CELF6: variants seen among roughly 807,000 people sequenced by gnomAD.
CELF6 encodes CUGBP Elav-like family member 6.
A neutral mutation model predicts 53.1 loss-of-function variants in CELF6; 32 were observed. The observed-to-expected ratio is 0.60, with a 90% confidence interval of 0.46 to 0.81. The LOEUF is 0.81. Ranked by LOEUF, CELF6 falls within the 30% of genes least tolerant of loss-of-function variation. CELF6 has a pLI of 0.00. For missense variants in CELF6, 539 were observed against 669.5 expected (o/e 0.81, Z 2.15); for synonymous variants, 291 against 288.8 (o/e 1.01, Z -0.08).
intron 2 of CELF6, among the ~76,000 whole-genome samples, chr15:72,305,719 T>A (rs1041395526): frequency 6.6e-6 from 1 of 152,166 alleles, no homozygotes; most frequent in Non-Finnish European, 1.5e-5. Context: ...CACACAGGGA[T>A]GACTTAGAGC....
In CELF6 at chr15:72,319,880, C is replaced by T; in HGVS notation, c.-6G>A. 1 of 1,463,808 alleles carries T rather than the reference C, an allele frequency of 6.8e-7. No individual in the cohort carries two copies. Among genetic ancestry groups the T allele is most frequent in the Non-Finnish European group, 9.0e-7 (1 of 1,110,554 alleles). The allele number at this position is 1,463,808 out of a possible 1,614,324, so 90.7% of individuals were successfully genotyped here. On this transcript the variant is annotated 5_prime_UTR_variant, in exon 1 of 13. Coordinates refer to ENST00000287202, the MANE Select transcript of CELF6 (RefSeq NM_052840.5). The surrounding 1 kb of genome is among the most constrained non-coding windows in gnomAD (Gnocchi z 5.0). ...CCTCCCGGCGCCGCGGCCATGTCCC[C>T]GCCCTGTCAGCCCTCCCGCCGGTCC...
intron 1 of CELF6, among the ~76,000 whole-genome samples, chr15:72,318,540 T>G (rs780529589): frequency 6.6e-6 from 1 of 152,190 alleles, no homozygotes; most frequent in Non-Finnish European, 1.5e-5. Context: ...CTCCTGCCCA[T>G]GTATGACATG....
At chr15:72,296,804 G>A (rs1316271058) in intron 3 of CELF6, among the ~76,000 whole-genome samples, 3 of 152,186 alleles carry the variant, frequency 2.0e-5, no homozygotes, top group African/African-American at 4.8e-5. Flanking sequence ...AAATCACAGC[G>A]TTGGCGAGGA....
Position 72,287,273 on chromosome 15 carries a change from G to T in CELF6, c.1438C>A (p.Pro480Thr), listed in dbSNP as rs746434889. Reference sequence around the variant, plus strand: ...TGGTCAGTGAAAGCAGGTCAGTAAGGCCGGTTGGCATCCTTGGGCCGCTTT... The same window carrying T: ...TGGTCAGTGAAAGCAGGTCAGTAAGTCCGGTTGGCATCCTTGGGCCGCTTT... ...QLKRPKDANR[P>T]Y The change falls in exon 12 of 13, where the codon CCT (proline) becomes ACT (threonine). Residue 480 changes from proline to threonine, a missense_variant. Coordinates refer to ENST00000287202, the MANE Select transcript of CELF6 (RefSeq NM_052840.5). 1.5e-5 allele frequency: 24 copies of T among 1,613,860 alleles called. No homozygotes were observed. Among genetic ancestry groups the T allele is most frequent in the Non-Finnish European group, 1.9e-5 (23 of 1,179,922 alleles).
intron 2 of CELF6, among the ~76,000 whole-genome samples, chr15:72,306,787 G>A (rs1330368832): frequency 1.3e-5 from 2 of 151,944 alleles, no homozygotes; most frequent in Non-Finnish European, 2.9e-5. Flanking sequence ...CCTGGACCAG[G>A]GACCAGGAGG....
In CELF6 at chr15:72,289,783, G is replaced by A; in HGVS notation, c.604-13C>T. 1 of 1,452,030 alleles carries A rather than the reference G, an allele frequency of 6.9e-7. No individual in the cohort carries two copies. Among genetic ancestry groups the A allele is most frequent in the Non-Finnish European group, 9.0e-7 (1 of 1,107,740 alleles). The allele number at this position is 1,452,030 out of a possible 1,614,324, so 89.9% of individuals were successfully genotyped here. On this transcript the variant is annotated splice_polypyrimidine_tract_variant and intron_variant, in intron 5 of 12. Coordinates refer to ENST00000287202, the MANE Select transcript of CELF6 (RefSeq NM_052840.5). This position sits in a 1 kb window ranked among gnomAD's most constrained non-coding sequence, Gnocchi z 7.6. The stretch of plus-strand genomic sequence containing the variant: ...TGGACGAGGCGCCCTGGGCAGGGCA[G>A]GGGAGGCCGTGGTGACCGGTCCTGA...
chr15:72,301,799 C>T (rs559594561), intron 3 of CELF6, among the ~76,000 whole-genome samples: 4 of 139,186 alleles, frequency 2.9e-5, no homozygotes, highest in African/African-American at 1.1e-4. Context: ...TGCAGTGGTG[C>T]GATCTTGGCT....
At chr15:72,317,748 T>G (rs2088379637) in intron 1 of CELF6, among the ~76,000 whole-genome samples, 1 of 152,176 alleles carries the variant, frequency 6.6e-6, no homozygotes, top group South Asian at 2.1e-4. Context: ...TGATTCCACT[T>G]ACATCCCTGC....
At position 72,319,772 on chromosome 15, in the gene CELF6, C is replaced by T. The variant is rs368237855; in HGVS notation, c.103G>A (p.Gly35Ser). 7.0e-6 allele frequency: 11 copies of T among 1,580,664 alleles called. No individual in the cohort carries two copies. Among genetic ancestry groups the T allele is most frequent in the Non-Finnish European group, 8.6e-6 (10 of 1,162,668 alleles). Residue 35 changes from glycine (G) to serine (S), a missense_variant, in exon 1 of 13, where the codon GGT becomes AGT. Gly to Ser is a moderately conservative substitution (Grantham distance 56). Transcript: ENST00000287202. This position sits in a 1 kb window ranked among gnomAD's most constrained non-coding sequence, Gnocchi z 5.0. ...SGVGMSGLNP[G>S]PAVPMKDHDA... ...TGGTCCTTCATGGGTACGGCGGGAC[C>T]GGGGTTTAGCCCGCTCATGCCGACG...
At chr15:72,314,922 C>T (rs7179350) in intron 2 of CELF6, among the ~76,000 whole-genome samples, 1 of 152,002 alleles carries the variant, frequency 6.6e-6, no homozygotes, top group African/African-American at 2.4e-5. Context: ...TAATTATTAG[C>T]TTATGATGCC....
chr15:72,295,701 G>A (rs1243081291), intron 3 of CELF6, among the ~76,000 whole-genome samples: 1 of 147,338 alleles, frequency 6.8e-6, no homozygotes, highest in African/African-American at 2.5e-5. Context: ...ACTCCAGCCT[G>A]GGTGATAGTG....
intron 2 of CELF6, chr15:72,313,628 G>C (rs2088327635): frequency 3.9e-6 from 1 of 259,382 alleles, no homozygotes; most frequent in Non-Finnish European, 6.0e-6. Context: ...GCTCACGTGG[G>C]CCTCCCCCAC....
At chr15:72,311,164 T>C (rs2088288969) in intron 2 of CELF6, among the ~76,000 whole-genome samples, 1 of 151,800 alleles carries the variant, frequency 6.6e-6, no homozygotes, top group African/African-American at 2.4e-5. Flanking sequence ...ATTTTTATTT[T>C]GTATTTTTGT....
intron 3 of CELF6, 73 bp from the exon 4 acceptor site, chr15:72,290,328 A>G: frequency 1.3e-6 from 2 of 1,522,454 alleles, no homozygotes; most frequent in South Asian, 2.4e-5. Flanking sequence ...TGAGGAACTT[A>G]GGAAGGCAGC....
intron 2 of CELF6, among the ~76,000 whole-genome samples, chr15:72,309,206 C>T (rs2088267412): frequency 6.6e-6 from 1 of 152,072 alleles, no homozygotes; most frequent in Non-Finnish European, 1.5e-5. Context: ...AGCCGCTATG[C>T]CCAGACAGGA....
intron 2 of CELF6, among the ~76,000 whole-genome samples, chr15:72,307,043 G>T (rs991389384): frequency 2.0e-5 from 3 of 151,714 alleles, no homozygotes; most frequent in Non-Finnish European, 4.4e-5. Context: ...AGGGAAGAAG[G>T]CCAAAAGAGT....
intron 3 of CELF6, among the ~76,000 whole-genome samples, chr15:72,299,928 T>C (rs1211709791): frequency 6.6e-6 from 1 of 152,206 alleles, no homozygotes; most frequent in Non-Finnish European, 1.5e-5. Flanking sequence ...AGAAAAGTGT[T>C]GCCAAGGCTG....
intron 3 of CELF6, among the ~76,000 whole-genome samples, chr15:72,303,530 G>C (rs2088184138): frequency 6.6e-6 from 1 of 152,242 alleles, no homozygotes; most frequent in African/African-American, 2.4e-5. Context: ...TGAAGTCTGA[G>C]AGGGGTACAG....
chr15:72,311,659 C>T (rs2088299932), intron 2 of CELF6, among the ~76,000 whole-genome samples: 1 of 152,202 alleles, frequency 6.6e-6, no homozygotes, highest in African/African-American at 2.4e-5. Flanking sequence ...GCCTCAGCCT[C>T]CCAAAGTGCT....
Sources: gnomAD v4.1 joint callset for allele counts (sites outside exome capture counted in the v4.1 genomes callset) on GRCh38, gnomAD v4.1.1 for gene constraint, Gnocchi (gnomAD v3.1) non-coding constraint, MANE v1.5 for transcripts, NCBI Gene and HGNC (gene_info 2026-07-23, HGNC 2026-07-21) for gene names.